RORB: variants seen among roughly 807,000 people sequenced by gnomAD.
RORB encodes the protein nuclear receptor ROR-beta.
Under a neutral mutation model 59.1 loss-of-function variants are expected in RORB, and 6 were observed. The ratio of observed to expected loss-of-function variants is 0.10; its 90% CI spans 0.06 to 0.20. The LOEUF (loss-of-function observed/expected upper bound fraction) is 0.20. Ranked by LOEUF, RORB falls within the 10% of genes least tolerant of loss-of-function variation. The pLI, the probability that RORB is intolerant of heterozygous loss-of-function variation, is 1.00. For missense variants in RORB, 320 were observed against 560.5 expected (o/e 0.57, Z 4.33); for synonymous variants, 215 against 204.5 (o/e 1.05, Z -0.44).
At position 74,662,565 on chromosome 9, in the gene RORB, T is replaced by G; in HGVS notation, c.851T>G (p.Met284Arg). 1 of 1,614,126 alleles carries G rather than the reference T, an allele frequency of 6.2e-7. No individual in the cohort carries two copies. Among genetic ancestry groups the G allele is most frequent in the Non-Finnish European group, 8.5e-7 (1 of 1,179,994 alleles). ...TTTGCAAAGCGGATAACAGGCTTCA[T>G]GGAGCTCTGTCAAAATGATCAAATT... ...VEFAKRITGF[M>R]ELCQNDQILL... Residue 284 changes from methionine to arginine, a missense_variant, in exon 6 of 10, where the codon ATG (methionine) becomes AGG (arginine). Physicochemically the swap from Met to Arg is moderately conservative, Grantham distance 91 (BLOSUM62 -1). Coordinates refer to ENST00000376896, the MANE Select transcript of RORB (RefSeq NM_006914.4).
intron 1 of RORB, among the ~76,000 whole-genome samples, chr9:74,536,180 GT>G (rs1167974718): frequency 6.6e-6 from 1 of 151,952 alleles, no homozygotes; most frequent in African/African-American, 2.4e-5. Flanking sequence ...ATAACATCTT[GT>G]TTTTAAAAGG....
intron 1 of RORB, among the ~76,000 whole-genome samples, chr9:74,601,092 C>T (rs990649112): frequency 9.9e-5 from 15 of 152,066 alleles, no homozygotes; most frequent in African/African-American, 3.4e-4. Flanking sequence ...TAGGCATGCT[C>T]ATGCAATGTT....
In RORB at chr9:74,624,383, T is replaced by A. The variant is rs540615802; in HGVS notation, c.8-5899T>A. Reference sequence around the variant, plus strand: ...ATTGTATATTTAGACAGGAAGCTGATGTTGAGATGCACTCTGCACTGATGA... The same window carrying A: ...ATTGTATATTTAGACAGGAAGCTGAAGTTGAGATGCACTCTGCACTGATGA... On this transcript the variant is annotated intron_variant, in intron 1 of 9. Transcript: ENST00000376896. Among the ~76,000 whole-genome samples, 4 of 152,346 alleles carry A rather than the reference T, an allele frequency of 2.6e-5. No individual in the cohort carries two copies. The East Asian group carries it at 7.7e-4, about 29-fold the overall frequency.
chr9:74,532,494 A>G (rs2118100763), intron 1 of RORB, among the ~76,000 whole-genome samples: 1 of 151,822 alleles, frequency 6.6e-6, no homozygotes, highest in South Asian at 2.1e-4. Flanking sequence ...TATACATCAT[A>G]CTCTTTAGGA....
chr9:74,514,830 T>C (rs1825985861), intron 1 of RORB, among the ~76,000 whole-genome samples: 1 of 151,634 alleles, frequency 6.6e-6, no homozygotes, highest in South Asian at 2.1e-4. Context: ...AGTATTGAAT[T>C]ATTTCAATAT....
At chr9:74,658,695 A>G (rs1824130216) in intron 4 of RORB, among the ~76,000 whole-genome samples, 1 of 152,094 alleles carries the variant, frequency 6.6e-6, no homozygotes, top group Non-Finnish European at 1.5e-5. Flanking sequence ...GAAAGCAAAT[A>G]TGTTTTTTTA....
At chr9:74,593,075 T>C (rs112316263) in intron 1 of RORB, among the ~76,000 whole-genome samples, 40 of 152,284 alleles carry the variant, frequency 2.6e-4, no homozygotes, top group African/African-American at 7.7e-4. Flanking sequence ...CATCTAGTGA[T>C]GTCTTCCCCA....
chr9:74,583,346 C>T (rs1360059132), intron 1 of RORB, among the ~76,000 whole-genome samples: 2 of 152,092 alleles, frequency 1.3e-5, no homozygotes, highest in African/African-American at 4.8e-5. Flanking sequence ...CCCACAGAAA[C>T]AATGGATCCA....
At chr9:74,616,655 G>C (rs1056456459) in intron 1 of RORB, among the ~76,000 whole-genome samples, 1 of 152,120 alleles carries the variant, frequency 6.6e-6, no homozygotes, top group Non-Finnish European at 1.5e-5. Context: ...AATAACACTA[G>C]ACATACTAAC....
At chr9:74,506,911 G>T (rs1416143604) in intron 1 of RORB, among the ~76,000 whole-genome samples, 1 of 152,130 alleles carries the variant, frequency 6.6e-6, no homozygotes, top group African/African-American at 2.4e-5. Flanking sequence ...GGTAATTCCA[G>T]ATTTTTTCTT....
At chr9:74,563,673 G>C (rs1822430809) in intron 1 of RORB, among the ~76,000 whole-genome samples, 1 of 151,984 alleles carries the variant, frequency 6.6e-6, no homozygotes, top group Non-Finnish European at 1.5e-5. Context: ...GTAATGAAGG[G>C]ACTATCTACA....
chr9:74,528,842 A>T (rs1826193178), intron 1 of RORB, among the ~76,000 whole-genome samples: 2 of 151,964 alleles, frequency 1.3e-5, no homozygotes, highest in African/African-American at 4.8e-5. Flanking sequence ...CAATCCCGTG[A>T]AGTGGATATT....
At chr9:74,633,424 T>C (rs1454206278) in intron 2 of RORB, among the ~76,000 whole-genome samples, 1 of 152,188 alleles carries the variant, frequency 6.6e-6, no homozygotes, top group African/African-American at 2.4e-5. Flanking sequence ...TGAACTTTTC[T>C]AGACTTTCTC....
intron 1 of RORB, among the ~76,000 whole-genome samples, chr9:74,517,251 C>T (rs1362359634): frequency 6.6e-6 from 1 of 151,880 alleles, no homozygotes; most frequent in Non-Finnish European, 1.5e-5. Context: ...TGTTTTTCTT[C>T]ATAATTTCAT....
chr9:74,511,126 C>T (rs1825931599), intron 1 of RORB, among the ~76,000 whole-genome samples: 1 of 152,142 alleles, frequency 6.6e-6, no homozygotes, highest in African/African-American at 2.4e-5. Context: ...TTACCACATA[C>T]TTTCATGTAA....
intron 1 of RORB, among the ~76,000 whole-genome samples, chr9:74,622,736 AG>A (rs983904444): frequency 1.3e-5 from 2 of 151,938 alleles, no homozygotes; most frequent in African/African-American, 4.8e-5. Context: ...CATGTTGGCC[AG>A]GATGGTCTCG....
At chr9:74,559,311 A>G (rs1822359607) in intron 1 of RORB, among the ~76,000 whole-genome samples, 1 of 152,174 alleles carries the variant, frequency 6.6e-6, no homozygotes, top group South Asian at 2.1e-4. Flanking sequence ...GGTAGAGTGA[A>G]TCATTATACC....
intron 1 of RORB, among the ~76,000 whole-genome samples, chr9:74,535,382 A>T (rs1826307057): frequency 6.6e-6 from 1 of 151,972 alleles, no homozygotes; most frequent in Non-Finnish European, 1.5e-5. Flanking sequence ...ATGCCTGGCT[A>T]ATGAGAATAT....
At chr9:74,520,541 A>G (rs1826071145) in intron 1 of RORB, among the ~76,000 whole-genome samples, 1 of 151,946 alleles carries the variant, frequency 6.6e-6, no homozygotes, top group African/African-American at 2.4e-5. Flanking sequence ...TAAGGCAATA[A>G]ATATCAAATC....
Sources: allele counts gnomAD v4.1 joint callset (sites outside exome capture counted in the v4.1 genomes callset), GRCh38; gene constraint gnomAD v4.1.1; transcripts MANE v1.5; gene names NCBI Gene and HGNC (gene_info 2026-07-23, HGNC 2026-07-21).